The following SEMA3A variants were observed in gnomAD, a reference collection of about 807,000 sequenced individuals.
SEMA3A encodes semaphorin-3A.
SEMA3A carries 29 observed loss-of-function variants against 97.9 expected under a neutral mutation model. The ratio of observed to expected loss-of-function variants is 0.30; its 90% CI spans 0.22 to 0.40. The LOEUF is 0.40. Ranked by LOEUF, SEMA3A falls within the 10% of genes least tolerant of loss-of-function variation. SEMA3A has a pLI of 1.00. For missense variants in SEMA3A, 763 were observed against 951.3 expected (o/e 0.80, Z 2.60); for synonymous variants, 321 against 323.7 (o/e 0.99, Z 0.09).
At chr7:84,371,082 C>T (rs1402988394) in intron 2 of SEMA3A, among the ~76,000 whole-genome samples, 2 of 151,536 alleles carry the variant, frequency 1.3e-5, no homozygotes, top group Middle Eastern at 3.2e-3. Context: ...GATGTACATT[C>T]ATATAGGTTA....
chr7:83,998,670 G>C (rs530352101), intron 12 of SEMA3A, among the ~76,000 whole-genome samples: 2 of 151,212 alleles, frequency 1.3e-5, no homozygotes, highest in African/African-American at 4.9e-5. Context: ...AAAACTTTTT[G>C]ATGCTTTTGT....
chr7:84,434,432 A>G (rs1397920230), intron 1 of SEMA3A, among the ~76,000 whole-genome samples: 1 of 152,132 alleles, frequency 6.6e-6, no homozygotes, highest in Non-Finnish European at 1.5e-5. Context: ...TCTACTAGAC[A>G]TATAAAAAGA....
At position 83,958,473 on chromosome 7, in the gene SEMA3A, G is replaced by A. The variant is rs1242837991; in HGVS notation, c.*2898C>T. The A allele has an allele frequency of 6.6e-6, 1 of 152,402 alleles. No homozygotes were observed. The highest frequency in any genetic ancestry group is 1.5e-5 in the Non-Finnish European group (1 of 67,936). The allele number at this position is 152,402 out of a possible 1,614,324, so 9.4% of individuals were successfully genotyped here. A position where few individuals can be genotyped will look rare whatever the true frequency, so the allele number is the denominator to read the frequency against. ...GAAATGCAATGATAAGTAAAGATATGGAACATATTTCCTACCTGGCAAAAA... is the reference window on the plus strand; with the variant it reads ...GAAATGCAATGATAAGTAAAGATATAGAACATATTTCCTACCTGGCAAAAA... On this transcript the variant is annotated 3_prime_UTR_variant, in exon 17 of 17. Transcript: ENST00000265362.
chr7:84,095,228 A>T (rs1249221173), intron 4 of SEMA3A, among the ~76,000 whole-genome samples: 1 of 144,882 alleles, frequency 6.9e-6, no homozygotes, highest in African/African-American at 2.5e-5. Flanking sequence ...TATATATTAC[A>T]TTATATATAA....
intron 2 of SEMA3A, among the ~76,000 whole-genome samples, chr7:84,337,960 G>C (rs902019246): frequency 6.6e-6 from 1 of 152,038 alleles, no homozygotes; most frequent in African/African-American, 2.4e-5. Flanking sequence ...CCACTGGTCA[G>C]GGACAGAAAG....
At position 84,366,985 on chromosome 7, in the gene SEMA3A, T is replaced by TA. The variant is rs1360560599; in HGVS notation, c.-169+4838dup. ...GCATACACTAAAATGCCTTTAATCT[T>TA]AAAAAAAAAAAACCTTAATTTTTGA... On this transcript the variant is annotated intron_variant, in intron 2 of 3. Coordinates refer to the SEMA3A transcript ENST00000424555. Among the ~76,000 whole-genome samples the TA allele has an allele frequency of 2.3e-3, 323 of 142,276 alleles. 2 individuals are homozygous for TA. Among genetic ancestry groups the TA allele is most frequent in the Middle Eastern group, 0.011 (3 of 278 alleles). 93.3% of individuals were successfully genotyped at this position (142,276 alleles called of 152,430 possible).
At chr7:84,213,858 A>C (rs1213935525) in intron 3 of SEMA3A, among the ~76,000 whole-genome samples, 4 of 152,210 alleles carry the variant, frequency 2.6e-5, no homozygotes, top group Non-Finnish European at 5.9e-5. Flanking sequence ...TTTCATTTCT[A>C]AAAAGGGAGG....
chr7:84,155,549 A>G (rs1796821040), intron 1 of SEMA3A, among the ~76,000 whole-genome samples: 1 of 152,106 alleles, frequency 6.6e-6, no homozygotes, highest in Admixed American at 6.6e-5. Flanking sequence ...ACTTTTGCCA[A>G]ACATTGCCTT....
At position 84,291,465 on chromosome 7, in the gene SEMA3A, C is replaced by T. The variant is rs528121739; in HGVS notation, c.-83+15742G>A. ...ATTTTAAATTTATTTTACTGAATTCCTTTTCCTTCTGCATTGCCAACTAAT... is the reference window on the plus strand; with the variant it reads ...ATTTTAAATTTATTTTACTGAATTCTTTTTCCTTCTGCATTGCCAACTAAT... On this transcript the variant is annotated intron_variant, in intron 3 of 3. Transcript: ENST00000424555. Among the ~76,000 whole-genome samples, 28 of 152,012 alleles carry T rather than the reference C, an allele frequency of 1.8e-4. No homozygotes were observed. The East Asian group carries it at 3.7e-3, about 20-fold the overall frequency.
intron 3 of SEMA3A, among the ~76,000 whole-genome samples, chr7:84,265,822 G>A (rs1270096870): frequency 1.3e-5 from 2 of 151,850 alleles, no homozygotes; most frequent in African/African-American, 4.8e-5. Context: ...AAACAGTTTT[G>A]CTTAGATGAC....
rs568579415 is a variant in SEMA3A at position 83,973,742 on chromosome 7, A to T, written c.1717+3390T>A. The stretch of plus-strand genomic sequence containing the variant: ...ATTAAGAAGATTGGATTCTGTGGAC[A>T]TATTACTGTGAGGTGCCAGGAAGGT... On this transcript the variant is annotated intron_variant, in intron 15 of 16. Coordinates refer to ENST00000265362, the MANE Select transcript of SEMA3A (RefSeq NM_006080.3). 2.3e-4 allele frequency among the ~76,000 whole-genome samples: 35 copies of T among 152,290 alleles called. 2 individuals carry two copies. In the South Asian group the frequency reaches 5.0e-3, roughly 22 times the overall value.
rs571333621 is a variant in SEMA3A at position 83,956,295 on chromosome 7, A to C, written c.*5076T>G. 1.3e-5 allele frequency: 2 copies of C among 152,250 alleles called. No homozygotes were observed. The highest frequency in any genetic ancestry group is 3.9e-4 in the East Asian group (2 of 5,180). The allele number at this position is 152,250 out of a possible 1,614,324, so 9.4% of individuals were successfully genotyped here. A position where few individuals can be genotyped will look rare whatever the true frequency, so the allele number is the denominator to read the frequency against. On this transcript the variant is annotated 3_prime_UTR_variant, in exon 17 of 17. Coordinates refer to ENST00000265362, the MANE Select transcript of SEMA3A (RefSeq NM_006080.3). ...TTGCTGAGTAGTCTAATGCTAGCTG[A>C]GTGAGGTAAGGCTGTAGGTAGGTGA...
chr7:84,073,201 T>C (rs1056796517), intron 4 of SEMA3A, among the ~76,000 whole-genome samples: 7 of 152,134 alleles, frequency 4.6e-5, no homozygotes, highest in Admixed American at 1.3e-4. Flanking sequence ...TTTTAGTATA[T>C]AAATAATAGC....
At chr7:84,115,212 G>A (rs1018556659) in intron 3 of SEMA3A, among the ~76,000 whole-genome samples, 3 of 152,020 alleles carry the variant, frequency 2.0e-5, no homozygotes, top group African/African-American at 4.8e-5. Flanking sequence ...TTAAACCTAT[G>A]ATAACTGAAA....
At chr7:83,980,023 G>T (rs1314309001) in intron 14 of SEMA3A, among the ~76,000 whole-genome samples, 6 of 151,918 alleles carry the variant, frequency 3.9e-5, no homozygotes, top group Admixed American at 3.9e-4. Flanking sequence ...AAATGCAGAG[G>T]TTTCATAAAG....
At chr7:84,460,515 A>G (rs1256742794) in intron 1 of SEMA3A, among the ~76,000 whole-genome samples, 1 of 152,172 alleles carries the variant, frequency 6.6e-6, no homozygotes, top group Non-Finnish European at 1.5e-5. Context: ...GTCATGAAGA[A>G]AATAATATAA....
At chr7:84,292,911 T>A (rs1389477375) in intron 3 of SEMA3A, among the ~76,000 whole-genome samples, 1 of 152,110 alleles carries the variant, frequency 6.6e-6, no homozygotes, top group Non-Finnish European at 1.5e-5. Context: ...GTTTTTCATG[T>A]TGACCATGTA....
intron 4 of SEMA3A, among the ~76,000 whole-genome samples, chr7:84,065,842 C>T (rs924742167): frequency 1.2e-4 from 18 of 151,834 alleles, no homozygotes; most frequent in African/African-American, 2.4e-4. Flanking sequence ...ACCAGAGGTA[C>T]GAGGAGGAAC....
intron 3 of SEMA3A, among the ~76,000 whole-genome samples, chr7:84,251,826 C>G (rs1799617111): frequency 6.6e-6 from 1 of 152,210 alleles, no homozygotes; most frequent in East Asian, 1.9e-4. Flanking sequence ...AGAACCTAGA[C>G]CTTCTTTTCC....
Sources: gnomAD v4.1 joint callset for allele counts (sites outside exome capture counted in the v4.1 genomes callset) on GRCh38, gnomAD v4.1.1 for gene constraint, MANE v1.5 for transcripts, NCBI Gene and HGNC (gene_info 2026-07-23, HGNC 2026-07-21) for gene names.